DIP2A: variants seen among roughly 807,000 people sequenced by gnomAD.
DIP2A encodes the protein DIP2 acetate--CoA ligase A, also known as disco-interacting protein 2 homolog A.
In DIP2A, 85 loss-of-function variants were observed where a neutral mutation model predicts 177.4. That is an observed-to-expected ratio of 0.48 (90% CI 0.40 to 0.57). DIP2A has a LOEUF of 0.57. Ranked by LOEUF, DIP2A falls within the 20% of genes least tolerant of loss-of-function variation. The probability of loss-of-function intolerance (pLI) is 0.00; values close to 1 mark genes in which losing one functional copy is unlikely to be tolerated. For missense variants in DIP2A, 1,791 were observed against 2,100.2 expected (o/e 0.85, Z 2.88); for synonymous variants, 886 against 881.8 (o/e 1.00, Z -0.08).
At chr21:46,577,923 G>A in the DIP2A span, among the ~76,000 whole-genome samples, 1 of 152,154 alleles carries the variant, frequency 6.6e-6, no homozygotes, top group Non-Finnish European at 1.5e-5. Context: ...CTTAAGATTT[G>A]GCACTCTGCC....
Position 46,460,955 on chromosome 21 carries a change from A to G in DIP2A, c.91+1733A>G, listed in dbSNP as rs531087055. Among the ~76,000 whole-genome samples, 4 of 151,774 alleles carry G rather than the reference A, an allele frequency of 2.6e-5. No individual in the cohort carries two copies. The East Asian group carries it at 5.9e-4, about 22-fold the overall frequency. On this transcript the variant is annotated intron_variant, in intron 1 of 37. Transcript: ENST00000417564. ...GTGGTCCGCCTGCCTCGGCCTCCCA[A>G]AGTGCTGGGATTACAGGCATGAGCC...
intron 8 of DIP2A, among the ~76,000 whole-genome samples, chr21:46,513,756 A>G (rs1386354193): frequency 6.6e-6 from 1 of 152,188 alleles, no homozygotes; most frequent in African/African-American, 2.4e-5. Context: ...ATGATGCTCA[A>G]AGAAAATGCT....
intron 8 of DIP2A, among the ~76,000 whole-genome samples, chr21:46,525,983 A>G (rs979188358): frequency 1.1e-4 from 17 of 151,376 alleles, no homozygotes; most frequent in African/African-American, 3.4e-4. Flanking sequence ...ATCTCAGCTC[A>G]CTGCAACCTC....
At chr21:46,551,338 A>G (rs771428789) in intron 23 of DIP2A, among the ~76,000 whole-genome samples, 4 of 152,214 alleles carry the variant, frequency 2.6e-5, no homozygotes, top group Non-Finnish European at 4.4e-5. Context: ...ATTTATACAT[A>G]AAGTACAGTA....
In DIP2A at chr21:46,532,161, T is replaced by A. The variant is rs1216860846; in HGVS notation, c.1229T>A (p.Met410Lys). The A allele has an allele frequency of 6.2e-7, 1 of 1,614,016 alleles. No individual in the cohort carries two copies. The highest frequency in any genetic ancestry group is 1.1e-5 in the South Asian group (1 of 91,072). Reference protein sequence around the residue: ...ALVFPNSDPVMFMVAFYGCLL... With the variant: ...ALVFPNSDPVKFMVAFYGCLL... ...GTGTTTCCGAATAGTGACCCTGTGA[T>A]GTTCATGGTTGCATTTTATGGGTGT... The change falls in exon 10 of 38, where the codon ATG becomes AAG. Residue 410 changes from methionine to lysine, a missense_variant. Transcript: ENST00000417564.
chr21:46,545,059 T>A, intron 18 of DIP2A, 78 bp from the exon 19 acceptor site: 1 of 1,428,356 alleles, frequency 7.0e-7, no homozygotes, highest in South Asian at 1.4e-5. Flanking sequence ...TAACCGCACA[T>A]ACAGCAGCAA....
chr21:46,542,672 C>T (rs756989005), intron 18 of DIP2A, among the ~76,000 whole-genome samples: 2 of 152,214 alleles, frequency 1.3e-5, no homozygotes, highest in Non-Finnish European at 2.9e-5. Context: ...TTGTAGCCAC[C>T]CCACAGCTAC....
Position 46,569,484 on chromosome 21 carries a change from A to G in DIP2A, c.*1862A>G, listed in dbSNP as rs1438859927. 2.3e-5 allele frequency: 1 copy of G among 42,806 alleles called. No individual in the cohort carries two copies. The highest frequency in any genetic ancestry group is 5.1e-4 in the South Asian group (1 of 1,950). The allele number at this position is 42,806 out of a possible 1,614,324, so 2.7% of individuals were successfully genotyped here. A position where few individuals can be genotyped will look rare whatever the true frequency, so the allele number is the denominator to read the frequency against. ...CAATAGAATGGCTGGGAAGGGAAAG[A>G]AAAAAAAAAAAAAACTACCTAACTC... On this transcript the variant is annotated 3_prime_UTR_variant, in exon 38 of 38. Transcript: ENST00000417564.
chr21:46,546,940 A>G lies in DIP2A; in HGVS notation c.2420A>G (p.Lys807Arg). Residue 807 changes from lysine to arginine, a missense_variant, in exon 21 of 38, where the codon AAA (lysine) becomes AGA (arginine). Transcript: ENST00000417564. The stretch of plus-strand genomic sequence containing the variant: ...GACAACCTGGTCTTCATCGTGGGCA[A>G]ACTGGACGGGCTGATGGTCACTGGA... The part of the protein sequence containing the change: ...GPDNLVFIVG[K>R]LDGLMVTGVR... The G allele has an allele frequency of 6.2e-7, 1 of 1,613,902 alleles. No homozygotes were observed. The highest frequency in any genetic ancestry group is 1.1e-5 in the South Asian group (1 of 91,060).
Position 46,554,904 on chromosome 21 carries a change from T to C in DIP2A, c.3359T>C (p.Ile1120Thr). Residue 1120 changes from isoleucine to threonine, a missense_variant, in exon 28 of 38, where the codon ATC becomes ACC. Physicochemically the swap from Ile to Thr is moderately conservative, Grantham distance 89. Transcript: ENST00000417564. The part of the protein sequence containing the change: ...RSKEAAAAVD[I>T]RTWPTILDTD... ...AAGGAGGCTGCTGCTGCCGTGGACA[T>C]CAGGACCTGGCCCACCATCCTAGAC... 1 of 1,551,770 alleles carries C rather than the reference T, an allele frequency of 6.4e-7. No homozygotes were observed.
chr21:46,554,550 TCA>T (rs1302703132), intron 26 of DIP2A, 23 bp from the exon 27 acceptor site: 3 of 1,607,036 alleles, frequency 1.9e-6, no homozygotes, highest in Non-Finnish European at 2.5e-6. Context: ...GCCGGCCTCC[TCA>T]CAGCCAGTCC....
chr21:46,575,625 G>A, the DIP2A span, among the ~76,000 whole-genome samples: 9 of 152,044 alleles, frequency 5.9e-5, no homozygotes, highest in African/African-American at 1.9e-4. Flanking sequence ...TGAACAATTC[G>A]AAAAGGAAAT....
In DIP2A at chr21:46,511,492, C is replaced by T. The variant is rs770506169; in HGVS notation, c.980C>T (p.Ala327Val). 1.5e-5 allele frequency: 24 copies of T among 1,613,120 alleles called. 1 individual carries two copies. The highest frequency in any genetic ancestry group is 2.5e-6 in the Non-Finnish European group (3 of 1,179,618). ...GTGCTGAGAGGGGAGCCTCTCACTG[C>T]AGGTGTCCCCCGACCGCCGTCGCTG... Reference protein sequence around the residue: ...TSVLRGEPLTAGVPRPPSLLA... With the variant: ...TSVLRGEPLTVGVPRPPSLLA... Residue 327 changes from alanine (A) to valine (V), a missense_variant, in exon 8 of 38, where the codon GCA becomes GTA. Ala to Val is a moderately conservative substitution (Grantham distance 64). Coordinates refer to ENST00000417564, the MANE Select transcript of DIP2A (RefSeq NM_015151.4).
At chr21:46,550,441 G>A (rs2060229038) in intron 22 of DIP2A, 102 bp from the exon 23 acceptor site, 1 of 1,127,810 alleles carries the variant, frequency 8.9e-7, no homozygotes, top group Non-Finnish European at 1.3e-6. Context: ...CCATTTCCTG[G>A]CCTGGGGAAC....
chr21:46,465,566 C>T (rs1210898253), intron 1 of DIP2A, among the ~76,000 whole-genome samples: 1 of 152,146 alleles, frequency 6.6e-6, no homozygotes. Flanking sequence ...TGTGTTGACA[C>T]TTGTACTGAT....
At chr21:46,508,410 G>A (rs1163209725) in intron 6 of DIP2A, among the ~76,000 whole-genome samples, 1 of 142,444 alleles carries the variant, frequency 7.0e-6, no homozygotes, top group Non-Finnish European at 1.5e-5. Flanking sequence ...CAAGGCTGGA[G>A]TGCAGTGGCG....
At chr21:46,532,905 T>G (rs939521384) in intron 10 of DIP2A, among the ~76,000 whole-genome samples, 3 of 152,186 alleles carry the variant, frequency 2.0e-5, no homozygotes, top group Non-Finnish European at 4.4e-5. Context: ...AGGCAGTTGT[T>G]AACAGGAGCA....
chr21:46,497,163 G>A, intron 4 of DIP2A, 56 bp downstream of exon 4: 1 of 1,575,044 alleles, frequency 6.3e-7, no homozygotes, highest in Non-Finnish European at 8.6e-7. Flanking sequence ...CAGGCCTGAT[G>A]TTATCCTATT....
intron 1 of DIP2A, among the ~76,000 whole-genome samples, chr21:46,475,460 A>G (rs998079381): frequency 1.4e-4 from 22 of 152,248 alleles, no homozygotes; most frequent in African/African-American, 5.1e-4. Flanking sequence ...CAAGCTCATG[A>G]GTACTGTAGA....
Sources: allele counts gnomAD v4.1 joint callset (sites outside exome capture counted in the v4.1 genomes callset), GRCh38; gene constraint gnomAD v4.1.1; transcripts MANE v1.5; gene names NCBI Gene and HGNC (gene_info 2026-07-23, HGNC 2026-07-21).